The following UNC13C variants were observed in gnomAD, a reference collection of about 807,000 sequenced individuals.
UNC13C encodes unc-13 homolog C, also known as protein unc-13 homolog C.
UNC13C carries 174 observed loss-of-function variants against 245.4 expected under a neutral mutation model. The observed-to-expected ratio is 0.71, with a 90% confidence interval of 0.63 to 0.80. The LOEUF (loss-of-function observed/expected upper bound fraction) is 0.80. UNC13C is among the 30% of genes least tolerant of loss of function. The probability of loss-of-function intolerance (pLI) is 0.00; values close to 1 mark genes in which losing one functional copy is unlikely to be tolerated. For synonymous variants in UNC13C, 992 were observed against 895.1 expected, an observed-to-expected ratio of 1.11 and a Z score of -1.93; for missense variants, 2,829 against 2,602.9, an observed-to-expected ratio of 1.09 and a Z score of -1.89.
chr15:54,137,077 G>A (rs6493664), intron 2 of UNC13C, among the ~76,000 whole-genome samples: 3,719 of 152,186 alleles, frequency 0.024, 153 homozygotes, highest in African/African-American at 0.08. Flanking sequence ...CTCCTGGGCC[G>A]TAGTGATCTG....
intron 4 of UNC13C, among the ~76,000 whole-genome samples, chr15:54,159,792 C>G (rs2032899947): frequency 6.6e-6 from 1 of 152,208 alleles, no homozygotes; most frequent in South Asian, 2.1e-4. Context: ...CCTATATTTT[C>G]TAACCTGCTT....
chr15:54,175,135 C>T (rs995347227), intron 4 of UNC13C, among the ~76,000 whole-genome samples: 5 of 152,096 alleles, frequency 3.3e-5, no homozygotes, highest in African/African-American at 1.2e-4. Flanking sequence ...ATTTCCTTTC[C>T]ACCACTTTTG....
the UNC13C span, among the ~76,000 whole-genome samples, chr15:53,866,498 C>T: frequency 8.3e-3 from 1,260 of 152,198 alleles, 16 homozygotes; most frequent in African/African-American, 0.028. Flanking sequence ...TATACCAATG[C>T]GTTTTAAAAT....
intron 13 of UNC13C, among the ~76,000 whole-genome samples, chr15:54,315,342 C>T (rs1205877931): frequency 6.6e-6 from 1 of 151,604 alleles, no homozygotes. Flanking sequence ...GTTTATTTGT[C>T]AAGTCAAATA....
At chr15:54,194,639 G>A (rs903186234) in intron 4 of UNC13C, among the ~76,000 whole-genome samples, 4 of 152,088 alleles carry the variant, frequency 2.6e-5, no homozygotes, top group Admixed American at 2.0e-4. Flanking sequence ...CGAGATCTGG[G>A]TAAAAGGACA....
chr15:53,886,284 T>A, the UNC13C span, among the ~76,000 whole-genome samples: 1 of 152,080 alleles, frequency 6.6e-6, no homozygotes, highest in East Asian at 1.9e-4. Flanking sequence ...ATATACAAGA[T>A]GAGCTTGGAA....
chr15:54,037,775 T>C (rs1350948333), intron 2 of UNC13C, among the ~76,000 whole-genome samples: 1 of 152,028 alleles, frequency 6.6e-6, no homozygotes, highest in South Asian at 2.1e-4. Flanking sequence ...ATGGTTAGGT[T>C]TGCCATTTAT....
In UNC13C at chr15:54,500,830, C is replaced by A. The variant is rs202086021; in HGVS notation, c.5158-5C>A. Reference sequence around the variant, plus strand: ...TTGGGATGGTTTCACCTCCTCTCCCCACAGTTCCAGCAGACATCTGAGCAT... The same window carrying A: ...TTGGGATGGTTTCACCTCCTCTCCCAACAGTTCCAGCAGACATCTGAGCAT... On this transcript the variant is annotated splice_polypyrimidine_tract_variant and splice_region_variant and intron_variant, in intron 21 of 32. Transcript: ENST00000260323. 6 of 1,612,268 alleles carry A rather than the reference C, an allele frequency of 3.7e-6. No individual in the cohort carries two copies. In the East Asian group the frequency reaches 1.3e-4, roughly 36 times the overall value.
chr15:54,529,048 A>G (rs1247293256), intron 25 of UNC13C, among the ~76,000 whole-genome samples: 1 of 152,214 alleles, frequency 6.6e-6, no homozygotes, highest in African/African-American at 2.4e-5. Flanking sequence ...CCTTTAAAGC[A>G]GATAAATATG....
At chr15:54,049,507 A>G (rs1897183582) in intron 2 of UNC13C, 2 of 318,472 alleles carry the variant, frequency 6.3e-6, no homozygotes, top group Non-Finnish European at 1.2e-5. Context: ...AGTGGCCATG[A>G]TGGAATTCCA....
intron 2 of UNC13C, among the ~76,000 whole-genome samples, chr15:54,019,047 A>T (rs1167189483): frequency 6.6e-6 from 1 of 152,226 alleles, no homozygotes; most frequent in East Asian, 1.9e-4. Flanking sequence ...ACTCAGAATT[A>T]CTATATATTA....
At chr15:53,935,727 C>T in the UNC13C span, among the ~76,000 whole-genome samples, 1 of 152,212 alleles carries the variant, frequency 6.6e-6, no homozygotes, top group South Asian at 2.1e-4. Flanking sequence ...CCAGAAGAGC[C>T]CCCACCCTCA....
the UNC13C span, among the ~76,000 whole-genome samples, chr15:53,907,786 A>G: frequency 1.7e-5 from 2 of 115,116 alleles, 1 homozygote; most frequent in Non-Finnish European, 4.3e-5. Flanking sequence ...CATTGCTACT[A>G]TATCTCTAGT....
chr15:54,419,797 G>T (rs1294594202), intron 19 of UNC13C, among the ~76,000 whole-genome samples: 9 of 151,980 alleles, frequency 5.9e-5, no homozygotes, highest in African/African-American at 2.2e-4. Flanking sequence ...TTTTGTTTCA[G>T]ATGGTATTAG....
chr15:54,426,495 C>CA (rs112917754), intron 19 of UNC13C, among the ~76,000 whole-genome samples: 2 of 147,772 alleles, frequency 1.4e-5, no homozygotes, highest in South Asian at 2.1e-4. Context: ...AGTCTGAAAA[C>CA]AAAAAAAAAT....
At chr15:54,160,974 C>G (rs1201990805) in intron 4 of UNC13C, among the ~76,000 whole-genome samples, 1 of 152,156 alleles carries the variant, frequency 6.6e-6, no homozygotes, top group Non-Finnish European at 1.5e-5. Flanking sequence ...AGGTTGATAT[C>G]TTAGCCTAAA....
chr15:54,135,203 A>G (rs556495906), intron 2 of UNC13C, among the ~76,000 whole-genome samples: 1 of 152,222 alleles, frequency 6.6e-6, no homozygotes, highest in African/African-American at 2.4e-5. Flanking sequence ...TTGGATATTG[A>G]CCCTTTATCA....
rs2040736932 is a variant in UNC13C at position 54,425,275 on chromosome 15, C to T, written c.4933+10208C>T. 2.6e-5 allele frequency among the ~76,000 whole-genome samples: 4 copies of T among 151,826 alleles called. No individual in the cohort carries two copies. The South Asian group carries it at 8.3e-4, about 32-fold the overall frequency. On this transcript the variant is annotated intron_variant, in intron 19 of 32. Transcript: ENST00000260323. ...CCGTGACCCCAAATCACTGCTCTGG[C>T]TTATTGGAAAAATACGAAAGCAGTA...
intron 30 of UNC13C, among the ~76,000 whole-genome samples, chr15:54,569,401 G>GA (rs141832741): frequency 0.025 from 3,845 of 152,004 alleles, 154 homozygotes; most frequent in African/African-American, 0.085. Flanking sequence ...TGTAGAATAT[G>GA]AAAAATGTAA....
Sources: allele counts gnomAD v4.1 joint callset (sites outside exome capture counted in the v4.1 genomes callset), GRCh38; gene constraint gnomAD v4.1.1; transcripts MANE v1.5; gene names NCBI Gene and HGNC (gene_info 2026-07-23, HGNC 2026-07-21).